The following TLL2 variants were observed in gnomAD, a reference collection of about 807,000 sequenced individuals.
The protein encoded by TLL2 is tolloid-like protein 2.
In TLL2, 106 loss-of-function variants were observed where a neutral mutation model predicts 123.0. The ratio of observed to expected loss-of-function variants is 0.86; its 90% confidence interval spans 0.74 to 1.01. TLL2 has a LOEUF of 1.01. Among genes scored for constraint, TLL2 ranks in the 50% least tolerant of loss-of-function variants. The probability of loss-of-function intolerance (pLI) is 0.00; values close to 1 mark genes in which losing one functional copy is unlikely to be tolerated. For synonymous variants in TLL2, 494 were observed against 516.8 expected (o/e 0.96, Z 0.60); for missense variants, 1,332 against 1,336.7 (o/e 1.00, Z 0.06).
At chr10:96,476,552 G>A (rs566925599) in intron 2 of TLL2, among the ~76,000 whole-genome samples, 9 of 151,172 alleles carry the variant, frequency 6.0e-5, no homozygotes, top group Non-Finnish European at 1.0e-4. Context: ...GTGAGTCACC[G>A]CACCTGGCCT....
At chr10:96,420,805 T>G (rs929843339) in intron 7 of TLL2, 151 bp downstream of exon 7, 20 of 671,204 alleles carry the variant, frequency 3.0e-5, no homozygotes, top group Middle Eastern at 7.4e-4. Flanking sequence ...TATATTTCAC[T>G]GCAGCGCAGA....
At chr10:96,448,602 C>T (rs1423533304) in intron 2 of TLL2, among the ~76,000 whole-genome samples, 1 of 152,054 alleles carries the variant, frequency 6.6e-6, no homozygotes, top group African/African-American at 2.4e-5. Context: ...AGAAACTGTA[C>T]CTTGACTTCA....
intron 2 of TLL2, among the ~76,000 whole-genome samples, chr10:96,466,971 C>T (rs1847138101): frequency 6.6e-6 from 1 of 152,150 alleles, no homozygotes; most frequent in South Asian, 2.1e-4. Context: ...TCTGTCATGT[C>T]ATAGGTAGCC....
intron 6 of TLL2, among the ~76,000 whole-genome samples, chr10:96,421,938 T>G (rs192491078): frequency 6.6e-6 from 1 of 152,202 alleles, no homozygotes; most frequent in African/African-American, 2.4e-5. Context: ...CAATCCTAAA[T>G]AGCTCACAAT....
chr10:96,458,752 CAG>C (rs1275400942), intron 2 of TLL2, among the ~76,000 whole-genome samples: 1 of 151,910 alleles, frequency 6.6e-6, no homozygotes, highest in East Asian at 1.9e-4. Context: ...GCCTGGGCAA[CAG>C]AGCAAGACTC....
intron 1 of TLL2, among the ~76,000 whole-genome samples, chr10:96,500,777 T>TAAGG (rs1466198047): frequency 1.8e-4 from 16 of 87,430 alleles, no homozygotes; most frequent in Admixed American, 5.1e-4. Context: ...CAAAGCAAGA[T>TAAGG]AAGGAAGGAA....
chr10:96,417,995 C>T (rs938465683), intron 7 of TLL2, among the ~76,000 whole-genome samples: 10 of 152,200 alleles, frequency 6.6e-5, no homozygotes, highest in African/African-American at 2.4e-4. Flanking sequence ...TGCCTGCCCT[C>T]GGCGAGCTGC....
chr10:96,502,478 C>T (rs1031977765), intron 1 of TLL2, among the ~76,000 whole-genome samples: 4 of 152,078 alleles, frequency 2.6e-5, no homozygotes, highest in Admixed American at 6.5e-5. Flanking sequence ...GAGAAGTGGA[C>T]GGGCTCAATT....
chr10:96,453,462 AT>A (rs1207347611), intron 2 of TLL2, among the ~76,000 whole-genome samples: 2 of 152,208 alleles, frequency 1.3e-5, no homozygotes, highest in African/African-American at 2.4e-5. Context: ...TCTCAAAAAA[AT>A]AAAATAAAAA....
At chr10:96,486,161 A>G (rs140143258) in intron 1 of TLL2, among the ~76,000 whole-genome samples, 2 of 152,368 alleles carry the variant, frequency 1.3e-5, no homozygotes, top group African/African-American at 4.8e-5. Context: ...TATTTTGCTC[A>G]TGAAAAGAAA....
Position 96,365,746 on chromosome 10 carries a change from G to A in TLL2, c.*2342C>T, listed in dbSNP as rs1199435818. On this transcript the variant is annotated 3_prime_UTR_variant, in exon 21 of 21. Transcript: ENST00000357947. Reference sequence around the variant, plus strand: ...CATGCCTAAGTCCCCACAAGTGTGGGCTTCCAGAGGAGCGGCCCAGCTAGC... The same window carrying A: ...CATGCCTAAGTCCCCACAAGTGTGGACTTCCAGAGGAGCGGCCCAGCTAGC... 6.6e-6 allele frequency: 1 copy of A among 152,212 alleles called. No individual in the cohort carries two copies. Among genetic ancestry groups the A allele is most frequent in the Non-Finnish European group, 1.5e-5 (1 of 68,036 alleles). The allele number at this position is 152,212 out of a possible 1,614,324, so 9.4% of individuals were successfully genotyped here. A position where few individuals can be genotyped will look rare whatever the true frequency, so the allele number is the denominator to read the frequency against.
chr10:96,368,830 T>C (rs1348544010), intron 20 of TLL2, among the ~76,000 whole-genome samples: 3 of 152,144 alleles, frequency 2.0e-5, no homozygotes, highest in Admixed American at 2.0e-4. Context: ...GCCTGCGAGG[T>C]TCTAGTGGAG....
At chr10:96,447,843 A>G (rs2134088060) in intron 2 of TLL2, among the ~76,000 whole-genome samples, 1 of 152,252 alleles carries the variant, frequency 6.6e-6, no homozygotes, top group Non-Finnish European at 1.5e-5. Context: ...GAGGCACAAA[A>G]TGTTTAACCC....
chr10:96,455,183 C>T (rs12412768), intron 2 of TLL2, among the ~76,000 whole-genome samples: 27,271 of 151,920 alleles, frequency 0.18, 2,694 homozygotes, highest in East Asian at 0.31. Context: ...GAGCCATGAT[C>T]GCACCACTGC....
At chr10:96,383,242 A>G (rs1332983580) in intron 16 of TLL2, among the ~76,000 whole-genome samples, 4 of 152,170 alleles carry the variant, frequency 2.6e-5, no homozygotes, top group African/African-American at 9.7e-5. Context: ...CTTCAGTTTG[A>G]GAAGTAGGGT....
intron 10 of TLL2, among the ~76,000 whole-genome samples, chr10:96,401,356 C>T (rs548380130): frequency 1.3e-5 from 2 of 152,316 alleles, no homozygotes; most frequent in African/African-American, 4.8e-5. Context: ...GCACTGACCC[C>T]TCCCAGGGAC....
chr10:96,499,754 C>G (rs1481924096), intron 1 of TLL2, among the ~76,000 whole-genome samples: 1 of 151,884 alleles, frequency 6.6e-6, no homozygotes, highest in Non-Finnish European at 1.5e-5. Flanking sequence ...TAACAATTCT[C>G]TAATTAGAAA....
chr10:96,461,344 C>T (rs1329987226), intron 2 of TLL2, among the ~76,000 whole-genome samples: 3 of 151,996 alleles, frequency 2.0e-5, no homozygotes, highest in East Asian at 1.9e-4. Flanking sequence ...TGTGGGCATC[C>T]GGAGGCTGCC....
rs905162561 is a variant in TLL2, at chr10:96,481,914, C to T, written c.176-1455G>A. 2.6e-5 allele frequency among the ~76,000 whole-genome samples: 4 copies of T among 152,260 alleles called. No individual in the cohort carries two copies. The East Asian group carries it at 7.7e-4, about 29-fold the overall frequency. ...CGAGTAACAGAGGTTGATGAAAATT[C>T]AGCATTGTAGTGTCAAGAACAGCCT... On this transcript the variant is annotated intron_variant, in intron 1 of 20. Coordinates refer to ENST00000357947, the MANE Select transcript of TLL2 (RefSeq NM_012465.4).
Sources: allele counts gnomAD v4.1 joint callset (sites outside exome capture counted in the v4.1 genomes callset), GRCh38; gene constraint gnomAD v4.1.1; transcripts MANE v1.5; gene names NCBI Gene and HGNC (gene_info 2026-07-23, HGNC 2026-07-21).